The following ANKS1B variants were observed in gnomAD, a reference collection of about 807,000 sequenced individuals.
ANKS1B encodes the protein ankyrin repeat and sterile alpha motif domain-containing protein 1B.
A neutral mutation model predicts 148.3 loss-of-function variants in ANKS1B; 36 were observed. The observed-to-expected ratio is 0.24, with a 90% CI of 0.19 to 0.32. The LOEUF (loss-of-function observed/expected upper bound fraction) is 0.32, where lower values mean the gene tolerates loss of function less well. Ranked by LOEUF, ANKS1B falls within the 10% of genes least tolerant of loss-of-function variation. The probability of loss-of-function intolerance (pLI) is 1.00; values close to 1 mark genes in which losing one functional copy is unlikely to be tolerated. For missense variants in ANKS1B, 1,157 were observed against 1,542.6 expected (o/e 0.75, Z 4.19); for synonymous variants, 542 against 560.8 (o/e 0.97, Z 0.47).
At chr12:99,148,421 T>TG (rs1417147137) in intron 15 of ANKS1B, among the ~76,000 whole-genome samples, 1 of 152,074 alleles carries the variant, frequency 6.6e-6, no homozygotes, top group East Asian at 1.9e-4. Flanking sequence ...GGCAATTTTT[T>TG]TTTTTTTCTG....
At chr12:98,962,378 G>A (rs1288717137) in intron 17 of ANKS1B, among the ~76,000 whole-genome samples, 4 of 148,928 alleles carry the variant, frequency 2.7e-5, no homozygotes, top group African/African-American at 9.8e-5. Context: ...TCAGCAAGAG[G>A]ATATAACAAT....
At chr12:99,526,163 GA>G (rs1482389051) in intron 9 of ANKS1B, among the ~76,000 whole-genome samples, 8 of 152,078 alleles carry the variant, frequency 5.3e-5, no homozygotes, top group African/African-American at 1.9e-4. Flanking sequence ...GTGAGGGTTT[GA>G]AAAAAATGGG....
intron 10 of ANKS1B, among the ~76,000 whole-genome samples, chr12:99,453,603 C>T (rs1321733202): frequency 1.3e-5 from 2 of 152,232 alleles, no homozygotes; most frequent in African/African-American, 4.8e-5. Context: ...AGCTTGCTTA[C>T]AGCCTCCCGG....
intron 4 of ANKS1B, 82 bp downstream of exon 4, chr12:99,806,321 TC>T (rs1213389148): frequency 6.6e-7 from 1 of 1,511,906 alleles, no homozygotes; most frequent in Non-Finnish European, 9.0e-7. Flanking sequence ...TTAAAAGATT[TC>T]TACATACAGG....
chr12:99,573,544 A>G lies in ANKS1B; in HGVS notation c.1273-68903T>C, dbSNP rs35855312. Among the ~76,000 whole-genome samples, 227 of 152,170 alleles carry G rather than the reference A, an allele frequency of 1.5e-3. 1 individual carries two copies. Among genetic ancestry groups the G allele is most frequent in the Middle Eastern group, 6.8e-3 (2 of 294 alleles). On this transcript the variant is annotated intron_variant, in intron 9 of 26. Coordinates refer to ENST00000683438, the MANE Select transcript of ANKS1B (RefSeq NM_001352186.2). The stretch of plus-strand genomic sequence containing the variant: ...TCTCTTTATTGTATGTATCTGAAAA[A>G]TCCTAACCATGGCTAAATCTAATTC...
At chr12:99,863,826 C>T (rs1255785671) in intron 1 of ANKS1B, among the ~76,000 whole-genome samples, 1 of 152,138 alleles carries the variant, frequency 6.6e-6, no homozygotes, top group Non-Finnish European at 1.5e-5. Flanking sequence ...AATCCCAGCA[C>T]TTTGGGATGC....
At chr12:99,671,089 C>G (rs558544973) in intron 8 of ANKS1B, among the ~76,000 whole-genome samples, 6 of 152,160 alleles carry the variant, frequency 3.9e-5, no homozygotes. Context: ...GATGTTTGGA[C>G]AACTCAATCT....
At chr12:99,664,296 TAA>T (rs1302876615) in intron 8 of ANKS1B, among the ~76,000 whole-genome samples, 1 of 152,110 alleles carries the variant, frequency 6.6e-6, no homozygotes, top group Non-Finnish European at 1.5e-5. Context: ...TAAAATTCAT[TAA>T]AGTCTTATTT....
intron 12 of ANKS1B, among the ~76,000 whole-genome samples, chr12:99,319,613 T>G (rs1486516765): frequency 1.3e-5 from 2 of 151,878 alleles, no homozygotes; most frequent in Non-Finnish European, 2.9e-5. Context: ...ACACTGATGG[T>G]TCTTGAGTCT....
intron 14 of ANKS1B, among the ~76,000 whole-genome samples, chr12:99,237,692 G>C (rs1393865552): frequency 6.6e-6 from 1 of 152,174 alleles, no homozygotes; most frequent in Non-Finnish European, 1.5e-5. Context: ...AGAAATATTA[G>C]TGTATTAAGT....
chr12:99,614,092 C>T (rs192603133), intron 9 of ANKS1B, among the ~76,000 whole-genome samples: 2 of 152,050 alleles, frequency 1.3e-5, no homozygotes, highest in Admixed American at 1.3e-4. Context: ...TTCACAACGT[C>T]TCTCAGATTA....
chr12:99,172,042 A>G (rs768783291), intron 14 of ANKS1B, among the ~76,000 whole-genome samples: 4 of 152,192 alleles, frequency 2.6e-5, no homozygotes, highest in Admixed American at 1.3e-4. Context: ...GAGCTTATAG[A>G]GGAGACCATC....
At chr12:98,803,304 T>A (rs1405245908) in intron 20 of ANKS1B, among the ~76,000 whole-genome samples, 1 of 152,222 alleles carries the variant, frequency 6.6e-6, no homozygotes, top group Non-Finnish European at 1.5e-5. Context: ...AACATGCAGC[T>A]ATGGGTTCTT....
chr12:99,926,702 A>G (rs1053763397), intron 1 of ANKS1B, among the ~76,000 whole-genome samples: 4 of 152,124 alleles, frequency 2.6e-5, no homozygotes, highest in Non-Finnish European at 5.9e-5. Context: ...CACATATCCT[A>G]TTGGCTCTGT....
At chr12:99,383,432 C>G (rs1242127772) in intron 12 of ANKS1B, among the ~76,000 whole-genome samples, 1 of 152,226 alleles carries the variant, frequency 6.6e-6, no homozygotes, top group East Asian at 1.9e-4. Context: ...CCCTGCCAAT[C>G]TCTGCAGTCA....
chr12:99,836,532 A>T (rs1279665565), intron 1 of ANKS1B, among the ~76,000 whole-genome samples: 1 of 152,184 alleles, frequency 6.6e-6, no homozygotes. Context: ...TATGAGCAAA[A>T]GTAACTCCTT....
At chr12:99,379,627 T>A (rs1481546774) in intron 12 of ANKS1B, among the ~76,000 whole-genome samples, 2 of 152,204 alleles carry the variant, frequency 1.3e-5, no homozygotes, top group Admixed American at 1.3e-4. Flanking sequence ...AGAAAATTGC[T>A]ACAGAAGACT....
intron 17 of ANKS1B, among the ~76,000 whole-genome samples, chr12:99,000,564 C>T (rs1046578588): frequency 1.3e-5 from 2 of 152,042 alleles, no homozygotes; most frequent in African/African-American, 2.4e-5. Flanking sequence ...CCACCGTGCT[C>T]GGCCAGGGCC....
chr12:99,367,837 C>A (rs2092859397), intron 12 of ANKS1B, among the ~76,000 whole-genome samples: 1 of 151,660 alleles, frequency 6.6e-6, no homozygotes, highest in Non-Finnish European at 1.5e-5. Context: ...AAAATGATAA[C>A]ATAGCGGATG....
Sources: allele counts gnomAD v4.1 joint callset (sites outside exome capture counted in the v4.1 genomes callset), GRCh38; gene constraint gnomAD v4.1.1; transcripts MANE v1.5; gene names NCBI Gene and HGNC (gene_info 2026-07-23, HGNC 2026-07-21).